CCND3: variants seen among roughly 807,000 people sequenced by gnomAD.
CCND3 encodes G1/S-specific cyclin-D3.
Under a neutral mutation model 28.7 loss-of-function variants are expected in CCND3, and 9 were observed. The ratio of observed to expected loss-of-function variants is 0.31; its 90% confidence interval spans 0.19 to 0.55. The LOEUF (loss-of-function observed/expected upper bound fraction) is 0.55, where lower values mean the gene tolerates loss of function less well. CCND3 is among the 20% of genes least tolerant of loss of function. The pLI, the probability that CCND3 is intolerant of heterozygous loss-of-function variation, is 0.93. For synonymous variants in CCND3, 164 were observed against 163.9 expected (o/e 1.00, Z 0.00); for missense variants, 315 against 385.8 (o/e 0.82, Z 1.54).
chr6:41,956,488 G>A (rs1276610291), intron 1 of CCND3, among the ~76,000 whole-genome samples: 1 of 152,014 alleles, frequency 6.6e-6, no homozygotes, highest in Non-Finnish European at 1.5e-5. Flanking sequence ...TCTAAAGGTA[G>A]GCCATCATAT....
chr6:41,977,381 T>A (rs1762214106), intron 1 of CCND3, among the ~76,000 whole-genome samples: 2 of 152,170 alleles, frequency 1.3e-5, no homozygotes, highest in African/African-American at 2.4e-5. Context: ...TTTTTTTCTT[T>A]TTTGAGACAG....
At chr6:41,954,883 A>G (rs1776402551) in intron 1 of CCND3, among the ~76,000 whole-genome samples, 1 of 152,184 alleles carries the variant, frequency 6.6e-6, no homozygotes. Context: ...GCCATCTTGC[A>G]ATAATGAAAG....
At chr6:42,022,409 G>A (rs1247426447) in intron 1 of CCND3, among the ~76,000 whole-genome samples, 1 of 152,244 alleles carries the variant, frequency 6.6e-6, no homozygotes, top group Non-Finnish European at 1.5e-5. Flanking sequence ...GAGGATGGAG[G>A]CGGGGAGGAG....
Position 41,941,454 on chromosome 6 carries a change from C to A in CCND3, c.196G>T (p.Glu66Ter). The change falls in exon 1 of 5, where the codon GAG becomes TAG. Residue 66 changes from glutamate to a stop codon, truncating the protein, a stop_gained and splice_region_variant. Coordinates refer to ENST00000372991, the MANE Select transcript of CCND3 (RefSeq NM_001760.5). LOFTEE classifies it high-confidence loss of function. This position sits in a 1 kb window ranked among gnomAD's most constrained non-coding sequence, Gnocchi z 6.1. ...MRKMLAYWML[E>*]VCEEQRCEEE... ...AGGGGGACGCGTCCGGGCGGTACCT[C>A]CAGCATCCAGTAAGCCAGCATCTTC... The A allele has an allele frequency of 6.2e-7, 1 of 1,608,278 alleles. No homozygotes were observed. Among genetic ancestry groups the A allele is most frequent in the Non-Finnish European group, 8.5e-7 (1 of 1,178,776 alleles).
intron 1 of CCND3, among the ~76,000 whole-genome samples, chr6:41,952,981 A>G (rs1776349904): frequency 6.6e-6 from 1 of 152,228 alleles, no homozygotes; most frequent in South Asian, 2.1e-4. Flanking sequence ...GACAAATAAA[A>G]CTGCAAAACA....
intron 1 of CCND3, among the ~76,000 whole-genome samples, chr6:42,037,261 C>T (rs1459895662): frequency 1.3e-4 from 17 of 129,396 alleles, no homozygotes; most frequent in African/African-American, 4.7e-4. Flanking sequence ...TTTTTTAAGA[C>T]GGAGTCTCGC....
At chr6:42,030,385 G>T (rs112856558) in intron 1 of CCND3, among the ~76,000 whole-genome samples, 1,819 of 152,266 alleles carry the variant, frequency 0.012, 16 homozygotes, top group Non-Finnish European at 0.019. Flanking sequence ...CCTTCTGGTT[G>T]TTCTGTGGAG....
rs1411622265 is a variant in CCND3, at chr6:41,936,377, C to A, written c.711+182G>T. The A allele has an allele frequency of 2.7e-6, 2 of 744,974 alleles. No individual in the cohort carries two copies. 46.1% of individuals were successfully genotyped at this position (744,974 alleles called of 1,614,324 possible). On this transcript the variant is annotated intron_variant, in intron 4 of 4. Coordinates refer to ENST00000372991, the MANE Select transcript of CCND3 (RefSeq NM_001760.5). The surrounding 1 kb of genome is among the most constrained non-coding windows in gnomAD (Gnocchi z 4.4). ...GAACCCCTAGGGCCAGTGCCCTTCA[C>A]CCCACCCAAGATACTTGCTCTTCCC...
intron 1 of CCND3, among the ~76,000 whole-genome samples, chr6:42,026,777 G>A (rs907844873): frequency 6.6e-6 from 1 of 152,186 alleles, no homozygotes; most frequent in Non-Finnish European, 1.5e-5. Context: ...TGAAAAGGAA[G>A]GGCAGTGCCT....
intron 1 of CCND3, among the ~76,000 whole-genome samples, chr6:42,019,366 G>A (rs1582169686): frequency 6.6e-6 from 1 of 151,706 alleles, no homozygotes; most frequent in Non-Finnish European, 1.5e-5. Context: ...GTGTGCACCT[G>A]TAGTCCCAGC....
intron 1 of CCND3, among the ~76,000 whole-genome samples, chr6:41,951,569 C>CAAA (rs1386121581): frequency 6.6e-4 from 51 of 76,798 alleles, no homozygotes; most frequent in African/African-American, 2.4e-3. Context: ...CACACACACA[C>CAAA]ACACACAAAA....
At chr6:41,937,085 CT>C (rs935565446) in intron 3 of CCND3, 149 bp downstream of exon 3, 1 of 814,546 alleles carries the variant, frequency 1.2e-6, no homozygotes, top group African/African-American at 1.7e-5. Context: ...TGATTATAAC[CT>C]GCTTTTCTGC....
intron 1 of CCND3, among the ~76,000 whole-genome samples, chr6:41,998,922 G>A (rs1357321728): frequency 6.6e-5 from 10 of 151,930 alleles, no homozygotes; most frequent in East Asian, 1.9e-4. Context: ...CAGGTGATCC[G>A]CCCGCCTCGG....
chr6:42,005,540 CAAAAAAAAAAAAAAA>C (rs58659355), intron 1 of CCND3, among the ~76,000 whole-genome samples: 4 of 62,840 alleles, frequency 6.4e-5, no homozygotes, highest in Non-Finnish European at 1.2e-4. Flanking sequence ...GACCCTGTCT[CAAAAAAAAAAAAAAA>C]AAAAAAAAAA....
intron 1 of CCND3, among the ~76,000 whole-genome samples, chr6:41,973,198 C>G (rs987068832): frequency 6.6e-6 from 1 of 152,186 alleles, no homozygotes. Context: ...CTTCCCTTCT[C>G]TCTAACACCC....
intron 1 of CCND3, among the ~76,000 whole-genome samples, chr6:41,993,144 C>G (rs1762702885): frequency 6.6e-6 from 1 of 152,014 alleles, no homozygotes; most frequent in South Asian, 2.1e-4. Flanking sequence ...TCCAAGTGAT[C>G]TCCCCACCTT....
At chr6:42,032,368 G>A (rs567706037) in intron 1 of CCND3, among the ~76,000 whole-genome samples, 3 of 152,270 alleles carry the variant, frequency 2.0e-5, no homozygotes, top group East Asian at 1.9e-4. Context: ...GGTTACACAC[G>A]TGAGCCACCA....
At chr6:42,040,101 C>T (rs558405976) in intron 1 of CCND3, among the ~76,000 whole-genome samples, 74 of 152,342 alleles carry the variant, frequency 4.9e-4, no homozygotes, top group Non-Finnish European at 9.3e-4. Context: ...TGCACACACA[C>T]GTGTGTGGTG....
chr6:42,044,049 C>T (rs983166337), intron 1 of CCND3, among the ~76,000 whole-genome samples: 15 of 152,210 alleles, frequency 9.9e-5, no homozygotes, highest in African/African-American at 2.4e-4. Context: ...GCAGGGCCGT[C>T]GGTCCTGCCC....
Sources: gnomAD v4.1 joint callset for allele counts (sites outside exome capture counted in the v4.1 genomes callset) on GRCh38, gnomAD v4.1.1 for gene constraint, Gnocchi (gnomAD v3.1) non-coding constraint, MANE v1.5 for transcripts, NCBI Gene and HGNC (gene_info 2026-07-23, HGNC 2026-07-21) for gene names.